RBFOX2: variants seen among roughly 807,000 people sequenced by gnomAD.
RBFOX2 encodes the protein RNA binding protein fox-1 homolog 2.
Under a neutral mutation model 49.1 loss-of-function variants are expected in RBFOX2, and 10 were observed. The ratio of observed to expected loss-of-function variants is 0.20; its 90% CI spans 0.13 to 0.35. RBFOX2 has a LOEUF of 0.35. Among genes scored for constraint, RBFOX2 ranks in the 10% least tolerant of loss-of-function variants. The pLI, the probability that RBFOX2 is intolerant of heterozygous loss-of-function variation, is 1.00. For synonymous variants in RBFOX2, 183 were observed against 187.4 expected, an observed-to-expected ratio of 0.98 and a Z score of 0.19; for missense variants, 323 against 486.9, an observed-to-expected ratio of 0.66 and a Z score of 3.17.
At chr22:36,016,921 T>A (rs2059057726) in intron 1 of RBFOX2, among the ~76,000 whole-genome samples, 1 of 152,166 alleles carries the variant, frequency 6.6e-6, no homozygotes. Flanking sequence ...AGAATTCTCT[T>A]TATTCATTTA....
intron 1 of RBFOX2, among the ~76,000 whole-genome samples, chr22:35,884,684 T>C (rs2046344017): frequency 6.6e-6 from 1 of 152,200 alleles, no homozygotes; most frequent in Non-Finnish European, 1.5e-5. Flanking sequence ...CAATTTTCCA[T>C]ATTCTATGCA....
chr22:35,749,545 G>A lies in RBFOX2; in HGVS notation c.888-2984C>T, dbSNP rs956317903. Among the ~76,000 whole-genome samples the A allele has an allele frequency of 4.0e-5, 6 of 151,636 alleles. No individual in the cohort carries two copies. Among genetic ancestry groups the A allele is most frequent in the East Asian group, 3.9e-4 (2 of 5,172 alleles). ...CGCACACACACACATACACTTACTC[G>A]AAAGTATTTTTGCTGCTTTATTCAA... is the stretch of plus-strand genomic sequence containing the variant. On this transcript the variant is annotated intron_variant, in intron 9 of 11. Coordinates refer to ENST00000405409, the Ensembl canonical transcript of RBFOX2. The surrounding 1 kb of genome is among the most constrained non-coding windows in gnomAD (Gnocchi z 4.1).
intron 1 of RBFOX2, among the ~76,000 whole-genome samples, chr22:35,966,876 A>C (rs1318573384): frequency 6.6e-6 from 1 of 151,894 alleles, no homozygotes; most frequent in Non-Finnish European, 1.5e-5. Flanking sequence ...GTAGTGGTGC[A>C]ATCATAGCTC....
intron 1 of RBFOX2, among the ~76,000 whole-genome samples, chr22:36,027,881 C>A (rs192144665): frequency 6.6e-6 from 1 of 152,240 alleles, no homozygotes; most frequent in East Asian, 1.9e-4. Flanking sequence ...TCCTTTTCCT[C>A]GACTCAGTCC....
At chr22:36,028,361 A>G (rs2059532275) in exon 1 of RBFOX2, 1 of 1,405,426 alleles carries the variant, frequency 7.1e-7, no homozygotes, top group Non-Finnish European at 9.3e-7. Flanking sequence ...CTCCCGCTTC[A>G]TGCCCCGGGC....
intron 2 of RBFOX2, among the ~76,000 whole-genome samples, chr22:35,786,489 T>C (rs973094906): frequency 1.5e-4 from 23 of 152,156 alleles, no homozygotes; most frequent in African/African-American, 4.8e-4. Flanking sequence ...CGTACACCCA[T>C]GTAACCACCA....
chr22:35,832,708 C>T lies in RBFOX2; in HGVS notation c.27+7484G>A, dbSNP rs549403562. Among the ~76,000 whole-genome samples the T allele has an allele frequency of 1.1e-4, 16 of 149,958 alleles. No homozygotes were observed. In the South Asian group the frequency reaches 2.6e-3, roughly 24 times the overall value. On this transcript the variant is annotated intron_variant, in intron 1 of 11. Transcript: ENST00000405409. The stretch of plus-strand genomic sequence containing the variant: ...TTAGCCAGGTGTGGTGGCATGCACC[C>T]GTAGTCCTACCTACTTGGGAGGCTG...
intron 1 of RBFOX2, among the ~76,000 whole-genome samples, chr22:35,950,954 T>TA: frequency 7.4e-6 from 1 of 135,480 alleles, no homozygotes; most frequent in South Asian, 2.3e-4. Flanking sequence ...TAAAGAATTC[T>TA]TTTTTTTTTT....
exon 12 of RBFOX2, chr22:35,740,055 C>T (rs892957737): frequency 6.5e-6 from 1 of 152,678 alleles, no homozygotes; most frequent in Non-Finnish European, 1.5e-5. Flanking sequence ...CCCTGGGCTC[C>T]TCACTCCTAG....
chr22:35,759,571 A>AT lies in RBFOX2; in HGVS notation c.887+316dup, dbSNP rs1456633178. Reference sequence around the variant, plus strand: ...TGGTTCTCTGCAGTAATGTTAATCCATATTCGTGCGCTTCTGAGTGAACTT... The same window carrying AT: ...TGGTTCTCTGCAGTAATGTTAATCCATTATTCGTGCGCTTCTGAGTGAACTT... On this transcript the variant is annotated intron_variant, in intron 9 of 11. Coordinates refer to ENST00000405409, the Ensembl canonical transcript of RBFOX2. This position sits in a 1 kb window ranked among gnomAD's most constrained non-coding sequence, Gnocchi z 4.6. 2.0e-5 allele frequency among the ~76,000 whole-genome samples: 3 copies of AT among 152,142 alleles called. No individual in the cohort carries two copies. Among genetic ancestry groups the AT allele is most frequent in the African/African-American group, 7.2e-5 (3 of 41,414 alleles).
At chr22:35,867,236 CA>C (rs2043798017) in intron 1 of RBFOX2, among the ~76,000 whole-genome samples, 1 of 152,142 alleles carries the variant, frequency 6.6e-6, no homozygotes, top group South Asian at 2.1e-4. Context: ...TTGCCTATGT[CA>C]AAATTCCATC....
At chr22:36,026,192 G>C (rs71314960) in intron 1 of RBFOX2, among the ~76,000 whole-genome samples, 2 of 150,604 alleles carry the variant, frequency 1.3e-5, no homozygotes, top group African/African-American at 5.0e-5. Context: ...CTTGAACCCA[G>C]AGGTGGAGGT....
intron 1 of RBFOX2, among the ~76,000 whole-genome samples, chr22:35,903,555 C>T (rs183749470): frequency 5.9e-5 from 9 of 152,202 alleles, no homozygotes; most frequent in Admixed American, 5.9e-4. Context: ...TAGCAGAGAC[C>T]TCTCCCCATG....
At chr22:35,857,097 C>T (rs991029424) in intron 1 of RBFOX2, among the ~76,000 whole-genome samples, 1 of 152,154 alleles carries the variant, frequency 6.6e-6, no homozygotes, top group Non-Finnish European at 1.5e-5. Flanking sequence ...GACCAGTTTA[C>T]TTGACTATGG....
chr22:36,027,017 T>C lies in RBFOX2; in HGVS notation c.186+1223A>G, dbSNP rs532456278. On this transcript the variant is annotated intron_variant, in intron 1 of 13. Coordinates refer to the RBFOX2 transcript ENST00000438146. ...GGAATTAGAAGACCAGGCTTCTAGT[T>C]CTAGTTTTACTATTAGCTAACTGGG... Among the ~76,000 whole-genome samples, 9 of 152,288 alleles carry C rather than the reference T, an allele frequency of 5.9e-5. No individual in the cohort carries two copies. The East Asian group carries it at 1.7e-3, about 29-fold the overall frequency.
intron 1 of RBFOX2, among the ~76,000 whole-genome samples, chr22:35,813,936 A>G (rs986134348): frequency 2.0e-5 from 3 of 152,218 alleles, no homozygotes; most frequent in African/African-American, 7.2e-5. Flanking sequence ...GCATTAGGAA[A>G]GCAAAGAATC....
intron 1 of RBFOX2, among the ~76,000 whole-genome samples, chr22:35,909,705 G>A (rs141054515): frequency 0.013 from 1,927 of 152,242 alleles, 11 homozygotes; most frequent in Non-Finnish European, 0.022. Context: ...TCCGCTTCCC[G>A]GATTCAAGCG....
chr22:35,976,320 GACC>G (rs1258533256), intron 1 of RBFOX2, among the ~76,000 whole-genome samples: 4 of 150,606 alleles, frequency 2.7e-5, no homozygotes, highest in East Asian at 1.9e-4. Flanking sequence ...CAAAAACTCT[GACC>G]ACCACCACCA....
chr22:35,974,061 C>T (rs955781103), intron 1 of RBFOX2, among the ~76,000 whole-genome samples: 2 of 152,174 alleles, frequency 1.3e-5, no homozygotes, highest in African/African-American at 4.8e-5. Context: ...TGGCCCACTC[C>T]TGAAACATTA....
Sources: allele counts gnomAD v4.1 joint callset (sites outside exome capture counted in the v4.1 genomes callset), GRCh38; gene constraint gnomAD v4.1.1; non-coding constraint Gnocchi (gnomAD v3.1); transcripts MANE v1.5; gene names NCBI Gene and HGNC (gene_info 2026-07-23, HGNC 2026-07-21).